Variants in ZNF841 observed in about 807,000 individuals in gnomAD.
ZNF841 encodes zinc finger protein 841.
Under a neutral mutation model 13.0 loss-of-function variants are expected in ZNF841, and 11 were observed. The ratio of observed to expected loss-of-function variants is 0.85; its 90% CI spans 0.53 to 1.40. ZNF841 has a LOEUF of 1.40. Among genes scored for constraint, ZNF841 ranks in the 40% most tolerant of loss-of-function variants. The probability of loss-of-function intolerance (pLI) is 0.00; values close to 1 mark genes in which losing one functional copy is unlikely to be tolerated. For synonymous variants in ZNF841, 369 were observed against 381.6 expected (o/e 0.97, Z 0.38); for missense variants, 1,068 against 1,139.5 (o/e 0.94, Z 0.90).
chr19:52,060,998 T>C (rs370012981), downstream of ZNF841, among the ~76,000 whole-genome samples: 4 of 152,164 alleles, frequency 2.6e-5, no homozygotes, highest in East Asian at 1.9e-4. Flanking sequence ...TTAAGTGAGA[T>C]AGAAAAACTT....
At chr19:52,078,607 G>C (rs963088235) in intron 4 of ZNF841, among the ~76,000 whole-genome samples, 3 of 150,692 alleles carry the variant, frequency 2.0e-5, no homozygotes, top group African/African-American at 7.3e-5. Context: ...GCTGAGGCAG[G>C]AGAATGGCAT....
At chr19:52,061,644 T>C (rs1487554305), downstream of ZNF841, among the ~76,000 whole-genome samples, 1 of 152,140 alleles carries the variant, frequency 6.6e-6, no homozygotes, top group Non-Finnish European at 1.5e-5. Context: ...CCTCCCAGGT[T>C]CAAGCAATTC....
At chr19:52,064,371 A>C (rs1235334337), downstream of ZNF841, 16 of 133,354 alleles carry the variant, frequency 1.2e-4, no homozygotes, top group Admixed American at 9.9e-4. Context: ...AAAAAAAAAA[A>C]AAAAAAAAAA....
At chr19:52,085,271 T>A (rs952729801) in intron 3 of ZNF841, among the ~76,000 whole-genome samples, 1 of 152,132 alleles carries the variant, frequency 6.6e-6, no homozygotes, top group Non-Finnish European at 1.5e-5. Context: ...TAGAATCAAT[T>A]TGGGTACTTT....
At chr19:52,080,763 T>C (rs2088072917) in intron 4 of ZNF841, among the ~76,000 whole-genome samples, 1 of 151,992 alleles carries the variant, frequency 6.6e-6, no homozygotes, top group Admixed American at 6.5e-5. Context: ...ACATTTTCAA[T>C]GAAGAGATGA....
At chr19:52,090,591 T>C (rs2088436563) in intron 2 of ZNF841, among the ~76,000 whole-genome samples, 2 of 135,214 alleles carry the variant, frequency 1.5e-5, no homozygotes, top group Non-Finnish European at 3.1e-5. Context: ...TGAGTAACAA[T>C]GTGAGGCTGG....
Position 52,093,827 on chromosome 19 carries a change from T to C in ZNF841, c.-144+19A>G, listed in dbSNP as rs897539717. 5 of 152,174 alleles carry C rather than the reference T, an allele frequency of 3.3e-5. No homozygotes were observed. The highest frequency in any genetic ancestry group is 1.2e-4 in the African/African-American group (5 of 41,448). The allele number at this position is 152,174 out of a possible 1,614,324, so 9.4% of individuals were successfully genotyped here. On this transcript the variant is annotated intron_variant, in intron 2 of 6. Coordinates refer to ENST00000594440, the MANE Select transcript of ZNF841 (RefSeq NM_001136499.2). ...CATTACAAAAAAACAAGACTTTCAA[T>C]GCTTCTGCGAAGACATACCTTGTAG...
At chr19:52,078,721 T>C (rs2087994203) in intron 4 of ZNF841, among the ~76,000 whole-genome samples, 1 of 151,482 alleles carries the variant, frequency 6.6e-6, no homozygotes, top group East Asian at 1.9e-4. Flanking sequence ...AAAAAAAGTT[T>C]TTAAAGAAAA....
At chr19:52,074,148 C>T (rs1240592747) in intron 6 of ZNF841, among the ~76,000 whole-genome samples, 8 of 149,216 alleles carry the variant, frequency 5.4e-5, no homozygotes, top group Non-Finnish European at 1.0e-4. Flanking sequence ...TGAGCTATAC[C>T]ATCTGTACTA....
chr19:52,095,181 A>G (rs530975704), intron 1 of ZNF841, among the ~76,000 whole-genome samples: 1 of 152,298 alleles, frequency 6.6e-6, no homozygotes, highest in African/African-American at 2.4e-5. Flanking sequence ...ACCTGTCCCA[A>G]CGGGGAGTCA....
intron 3 of ZNF841, among the ~76,000 whole-genome samples, chr19:52,086,332 T>C (rs1457989672): frequency 2.5e-4 from 38 of 152,154 alleles, no homozygotes; most frequent in South Asian, 2.1e-4. Context: ...CTTATCATAG[T>C]GAGTTCTCAC....
intron 5 of ZNF841, chr19:52,076,475 C>T: frequency 3.1e-6 from 1 of 318,182 alleles, no homozygotes; most frequent in South Asian, 3.2e-5. Context: ...TCAGCCTAGG[C>T]AACAGAGTGA....
At chr19:52,092,295 A>G (rs1302287519) in intron 2 of ZNF841, among the ~76,000 whole-genome samples, 6 of 152,232 alleles carry the variant, frequency 3.9e-5, no homozygotes, top group African/African-American at 1.4e-4. Context: ...CTACAATTCT[A>G]CAGCAAAATA....
In ZNF841 at chr19:52,065,637, T is replaced by C. The variant is rs1449047698; in HGVS notation, c.2245A>G (p.Thr749Ala). 2.5e-6 allele frequency: 4 copies of C among 1,608,740 alleles called. No homozygotes were observed. The highest frequency in any genetic ancestry group is 3.4e-6 in the Non-Finnish European group (4 of 1,177,252). Residue 749 changes from threonine (T) to alanine (A), a missense_variant, in exon 7 of 7, where the codon ACT (threonine) becomes GCT (alanine). Physicochemically the swap from Thr to Ala is moderately conservative, Grantham distance 58. Transcript: ENST00000594440. The stretch of plus-strand genomic sequence containing the variant: ...CTCCGATGCCTTGCCAGGGTTGTAG[T>C]GGAGTTAAAGACTTTCCCACATTCA... ...CIECGKVFNS[T>A]TTLARHRRIH...
chr19:52,069,928 T>C (rs184197888), intron 6 of ZNF841, among the ~76,000 whole-genome samples: 67 of 152,330 alleles, frequency 4.4e-4, no homozygotes, highest in African/African-American at 1.5e-3. Context: ...TGATACACGT[T>C]ATTAAACAAA....
intron 6 of ZNF841, among the ~76,000 whole-genome samples, chr19:52,071,701 T>C (rs1485145466): frequency 6.6e-6 from 1 of 150,932 alleles, no homozygotes; most frequent in African/African-American, 2.4e-5. Context: ...CCACAGAGAA[T>C]GTATAGAAGA....
chr19:52,088,039 CAAA>C (rs201567770), intron 3 of ZNF841, among the ~76,000 whole-genome samples: 304 of 121,504 alleles, frequency 2.5e-3, no homozygotes, highest in African/African-American at 8.0e-3. Context: ...CAAAATACTC[CAAA>C]AAAAAAAAAA....
Position 52,065,025 on chromosome 19 carries a change from T to G in ZNF841, c.*82A>C, listed in dbSNP as rs1600075704. The G allele has an allele frequency of 1.3e-5, 17 of 1,282,828 alleles. No individual in the cohort carries two copies. In the East Asian group the frequency reaches 4.4e-4, roughly 34 times the overall value. The allele number at this position is 1,282,828 out of a possible 1,614,324, so 79.5% of individuals were successfully genotyped here. Reference sequence around the variant, plus strand: ...CAATCACCTCCCACTAGGCTCCACCTCCAATACTGGAGATTACTACAATTC... The same window carrying G: ...CAATCACCTCCCACTAGGCTCCACCGCCAATACTGGAGATTACTACAATTC... On this transcript the variant is annotated 3_prime_UTR_variant, in exon 7 of 7. Transcript: ENST00000594440.
chr19:52,079,856 T>C (rs2088038061), intron 4 of ZNF841, among the ~76,000 whole-genome samples: 1 of 152,064 alleles, frequency 6.6e-6, no homozygotes, highest in African/African-American at 2.4e-5. Context: ...CCGAGCATGG[T>C]GGCACATGCC....
Sources: allele counts gnomAD v4.1 joint callset (sites outside exome capture counted in the v4.1 genomes callset), GRCh38; gene constraint gnomAD v4.1.1; transcripts MANE v1.5; gene names NCBI Gene and HGNC (gene_info 2026-07-23, HGNC 2026-07-21).